AMOTL2: variants seen among roughly 807,000 people sequenced by gnomAD.
The protein encoded by AMOTL2 is angiomotin-like protein 2.
In AMOTL2, 33 loss-of-function variants were observed where a neutral mutation model predicts 78.4. The observed-to-expected ratio is 0.42, with a 90% CI of 0.32 to 0.56. The LOEUF (loss-of-function observed/expected upper bound fraction) is 0.56. AMOTL2 is among the 20% of genes least tolerant of loss of function. The pLI is 0.12. For synonymous variants in AMOTL2, 422 were observed against 428.8 expected, an observed-to-expected ratio of 0.98 and a Z score of 0.20; for missense variants, 983 against 1,030.1, an observed-to-expected ratio of 0.95 and a Z score of 0.63.
At chr3:134,361,486 C>A in intron 6 of AMOTL2, 26 bp downstream of exon 6, 1 of 1,576,432 alleles carries the variant, frequency 6.3e-7, no homozygotes, top group Non-Finnish European at 8.6e-7. Context: ...AGATGCTGCC[C>A]TAGCCTGGAG....
intron 1 of AMOTL2, chr3:134,371,779 T>G: frequency 7.6e-6 from 3 of 394,304 alleles, no homozygotes; most frequent in Non-Finnish European, 4.5e-6. Flanking sequence ...GCCTGCGAGC[T>G]CCTGGCACAG....
intron 6 of AMOTL2, 96 bp from the exon 7 acceptor site, chr3:134,360,509 AC>A (rs1450738064): frequency 1.9e-6 from 2 of 1,078,652 alleles, no homozygotes; most frequent in African/African-American, 3.1e-5. Flanking sequence ...TTGTACATGT[AC>A]GTGTTCAGCC....
Position 134,360,104 on chromosome 3 carries a change from A to G in AMOTL2, c.1883+2T>C. On this transcript the variant is annotated splice_donor_variant, in intron 7 of 9. Coordinates refer to ENST00000249883, the MANE Select transcript of AMOTL2 (RefSeq NM_016201.4). LOFTEE classifies it high-confidence loss of function. ...TCAGGTGCCTGGCCTGCAATGCCGA[A>G]CCTGCTTTCCATCTCCTGATGCCTG... is the stretch of plus-strand genomic sequence containing the variant. 6.2e-7 allele frequency: 1 copy of G among 1,601,412 alleles called. No homozygotes were observed. Among genetic ancestry groups the G allele is most frequent in the East Asian group, 2.2e-5 (1 of 44,478 alleles).
At chr3:134,374,270 G>C in intron 1 of AMOTL2, 72 bp downstream of exon 1, 1 of 985,470 alleles carries the variant, frequency 1.0e-6, no homozygotes, top group Non-Finnish European at 1.2e-6. Context: ...GTTGCGCCGA[G>C]ACTCCAGCTT....
At chr3:134,364,177 A>G (rs956907468) in intron 5 of AMOTL2, among the ~76,000 whole-genome samples, 4 of 151,530 alleles carry the variant, frequency 2.6e-5, no homozygotes, top group Non-Finnish European at 5.9e-5. Context: ...AGCCGGGCGA[A>G]GGGCGCCAGG....
rs992813568 is a variant in AMOTL2, at chr3:134,355,501, C to T, written c.*2204G>A. 2.6e-5 allele frequency among the ~76,000 whole-genome samples: 4 copies of T among 152,134 alleles called. No homozygotes were observed. Among genetic ancestry groups the T allele is most frequent in the African/African-American group, 7.2e-5 (3 of 41,424 alleles). ...TGGTGCCTGGCCTTCTGGATGGTTT[C>T]GGACAAAACTTTATGTGCTAGGTGG... On this transcript the variant is annotated 3_prime_UTR_variant, in exon 10 of 10. Coordinates refer to ENST00000249883, the MANE Select transcript of AMOTL2 (RefSeq NM_016201.4).
Position 134,367,458 on chromosome 3 carries a change from CT to C in AMOTL2, c.1041+38del, listed in dbSNP as rs1295875645. ...CTCCCCAGGTAGCCCCTCGGGGTCT[CT>C]TTCTGGTCTGCCCTTCTGAAGCCCC... On this transcript the variant is annotated intron_variant, in intron 3 of 9. Coordinates refer to ENST00000249883, the MANE Select transcript of AMOTL2 (RefSeq NM_016201.4). 1.9e-6 allele frequency: 3 copies of C among 1,602,228 alleles called. No individual in the cohort carries two copies. The African/African-American group carries it at 4.0e-5, about 22-fold the overall frequency.
In AMOTL2 at chr3:134,367,714, G is replaced by C. The variant is rs771954586; in HGVS notation, c.824C>G (p.Pro275Arg). The change falls in exon 3 of 10, where the codon CCA becomes CGA. Residue 275 changes from proline (P) to arginine (R), a missense_variant. Transcript: ENST00000249883. The part of the protein sequence containing the change: ...LQQSQEHPPP[P>R]HPAALGHGPL... ...GCCATGGCCGAGAGCAGCTGGATGT[G>C]GGGGAGGGGGGTGCTCCTGAGATTG... 2.2e-5 allele frequency: 36 copies of C among 1,613,566 alleles called. No homozygotes were observed. Among genetic ancestry groups the C allele is most frequent in the African/African-American group, 4.0e-5 (3 of 74,896 alleles).
chr3:134,359,615 G>A (rs1265428158), intron 7 of AMOTL2, 112 bp from the exon 8 acceptor site: 3 of 850,436 alleles, frequency 3.5e-6, no homozygotes, highest in Non-Finnish European at 5.5e-6. Flanking sequence ...CCCCAACCCT[G>A]CCAGGCTGGA....
At chr3:134,366,131 T>A (rs1286042330) in intron 4 of AMOTL2, 152 bp downstream of exon 4, 12 of 1,127,682 alleles carry the variant, frequency 1.1e-5, no homozygotes, top group Middle Eastern at 2.3e-4. Context: ...AGCATCTCTC[T>A]ATCAGGGCAG....
At position 134,361,919 on chromosome 3, in the gene AMOTL2, A is replaced by G. The variant is rs934733041; in HGVS notation, c.1280-112T>C. The G allele has an allele frequency of 1.1e-5, 10 of 950,348 alleles. 2 individuals are homozygous for G. In the Admixed American group the frequency reaches 2.6e-4, roughly 25 times the overall value. The allele number at this position is 950,348 out of a possible 1,614,324, so 58.9% of individuals were successfully genotyped here. A position where few individuals can be genotyped will look rare whatever the true frequency, so the allele number is the denominator to read the frequency against. On this transcript the variant is annotated intron_variant, in intron 5 of 9. Transcript: ENST00000249883. ...AGCACAGTTGCTTCTCATTCTCTCAAAAATAACAGGAATAAGGTACCACTA... is the reference window on the plus strand; with the variant it reads ...AGCACAGTTGCTTCTCATTCTCTCAGAAATAACAGGAATAAGGTACCACTA...
upstream of AMOTL2, chr3:134,374,586 C>T (rs1056494571): frequency 5.0e-5 from 49 of 985,812 alleles, no homozygotes; most frequent in Non-Finnish European, 5.8e-5. Flanking sequence ...CGCCCTCCTC[C>T]GCCCTCCGCC....
In AMOTL2 at chr3:134,359,474, T is replaced by C. The variant is rs759765618; in HGVS notation, c.1913A>G (p.Glu638Gly). The C allele has an allele frequency of 6.2e-7, 1 of 1,613,970 alleles. No individual in the cohort carries two copies. Among genetic ancestry groups the C allele is most frequent in the Admixed American group, 1.7e-5 (1 of 60,022 alleles). ...AAGGACCTTGATCACTGCATCCTTC[T>C]CCAGGATCTGGGCATGGAGCACCTT... ...RLKVLHAQIL[E>G]KDAVIKVLQQ... The change falls in exon 8 of 10, where the codon GAG (glutamate) becomes GGG (glycine). Residue 638 changes from glutamate (E) to glycine (G), a missense_variant. By Grantham distance (98) the Glu-to-Gly change is moderately conservative. Transcript: ENST00000249883.
chr3:134,369,613 G>A (rs767265486), intron 2 of AMOTL2, among the ~76,000 whole-genome samples: 2 of 152,148 alleles, frequency 1.3e-5, no homozygotes, highest in African/African-American at 2.4e-5. Context: ...CTCTGGTTCC[G>A]CCATACCAAC....
chr3:134,373,874 G>T (rs1363159186), intron 1 of AMOTL2: 1 of 970,354 alleles, frequency 1.0e-6, no homozygotes, highest in Non-Finnish European at 1.2e-6. Context: ...GGGCCAATTC[G>T]TGGCTCCAGA....
intron 3 of AMOTL2, 118 bp downstream of exon 3, chr3:134,367,379 G>C: frequency 2.5e-6 from 3 of 1,222,060 alleles, no homozygotes; most frequent in African/African-American, 1.5e-5. Flanking sequence ...GAGGGATAGG[G>C]AGAAATCCAG....
chr3:134,371,353 C>T lies in AMOTL2; in HGVS notation c.81G>A (p.Glu27=). Residue 27 remains glutamate (E), a synonymous_variant, in exon 2 of 10, where the codon GAG becomes GAA. Coordinates refer to ENST00000249883, the MANE Select transcript of AMOTL2 (RefSeq NM_016201.4). ...QEQLRYGNLT[E]TRTLLAIQQQ... is the part of the protein sequence containing the mutation. ...GCTGGATGGCTAGCAGCGTGCGCGT[C>T]TCAGTCAGGTTGCCGTAGCGCAGCT... is the stretch of plus-strand genomic sequence containing the variant. The T allele has an allele frequency of 6.2e-7, 1 of 1,611,046 alleles. No individual in the cohort carries two copies. The highest frequency in any genetic ancestry group is 8.5e-7 in the Non-Finnish European group (1 of 1,180,016).
Position 134,360,333 on chromosome 3 carries a change from C to T in AMOTL2, c.1656G>A (p.Leu552=), listed in dbSNP as rs1277251451. 3 of 1,614,108 alleles carry T rather than the reference C, an allele frequency of 1.9e-6. No individual in the cohort carries two copies. Among genetic ancestry groups the T allele is most frequent in the African/African-American group, 2.7e-5 (2 of 74,946 alleles). ...ELSALRLSEQ[L]REKEEQILAL... is the part of the protein sequence containing the mutation. ...CCAGGATCTGCTCCTCCTTCTCTCG[C>T]AGTTGTTCTGACAGTCGCAGGGCGC... The change falls in exon 7 of 10, where the codon CTG becomes CTA. Residue 552 remains leucine, a synonymous_variant. Coordinates refer to ENST00000249883, the MANE Select transcript of AMOTL2 (RefSeq NM_016201.4).
intron 8 of AMOTL2, 46 bp from the exon 9 acceptor site, chr3:134,358,765 C>T: frequency 2.5e-6 from 4 of 1,609,366 alleles, no homozygotes; most frequent in African/African-American, 2.7e-5. Flanking sequence ...TAAGATGTGG[C>T]CCTGGTGAAG....
Sources: gnomAD v4.1 joint callset for allele counts (sites outside exome capture counted in the v4.1 genomes callset) on GRCh38, gnomAD v4.1.1 for gene constraint, MANE v1.5 for transcripts, NCBI Gene and HGNC (gene_info 2026-07-23, HGNC 2026-07-21) for gene names.